Variants in ASB16 observed in about 807,000 individuals in gnomAD.
ASB16 encodes the protein ankyrin repeat and SOCS box protein 16.
ASB16 carries 44 observed loss-of-function variants against 39.1 expected under a neutral mutation model. The ratio of observed to expected loss-of-function variants is 1.13; its 90% confidence interval spans 0.88 to 1.45. The LOEUF is 1.45. Among genes scored for constraint, ASB16 ranks in the 40% most tolerant of loss-of-function variants. The pLI is 0.00. For synonymous variants in ASB16, 305 were observed against 286.7 expected (o/e 1.06, Z -0.64); for missense variants, 698 against 634.5 (o/e 1.10, Z -1.07).
Position 44,172,307 on chromosome 17 carries a change from C to A in ASB16, c.563C>A (p.Ser188Tyr). The change falls in exon 2 of 5, where the codon TCC (serine) becomes TAC (tyrosine). Residue 188 changes from serine (S) to tyrosine (Y), a missense_variant. By Grantham distance (144) the Ser-to-Tyr change is moderately radical. Coordinates refer to ENST00000293414, the MANE Select transcript of ASB16 (RefSeq NM_080863.5). ...TTGCACCTCTGCACGATCCCCGAGT[C>A]CTTGCAGTAGGTGCCTGGGGGCTGA... is the stretch of plus-strand genomic sequence containing the variant. The part of the protein sequence containing the change: ...TPLHLCTIPE[S>Y]LQCAKLLLEA... 6.2e-7 allele frequency: 1 copy of A among 1,611,316 alleles called. No individual in the cohort carries two copies. The highest frequency in any genetic ancestry group is 8.5e-7 in the Non-Finnish European group (1 of 1,179,378).
chr17:44,172,336 A>C, intron 2 of ASB16, 23 bp downstream of exon 2: 1 of 1,584,204 alleles, frequency 6.3e-7, no homozygotes, highest in Non-Finnish European at 8.5e-7. Flanking sequence ...GGGCTGAGAC[A>C]GTTTGGGGAG....
Position 44,178,795 on chromosome 17 carries a change from G to A in ASB16, c.*405G>A, listed in dbSNP as rs189533106. The A allele has an allele frequency of 2.7e-5, 6 of 221,852 alleles. No homozygotes were observed. The East Asian group carries it at 4.4e-4, about 16-fold the overall frequency. 13.7% of individuals were successfully genotyped at this position (221,852 alleles called of 1,614,324 possible). On this transcript the variant is annotated 3_prime_UTR_variant, in exon 5 of 5. Transcript: ENST00000293414. ...CCTGCCCCTCTTTTCTGTACTCCAC[G>A]TGCTGTCCTGGTCCACCTCACTCCT...
Position 44,178,323 on chromosome 17 carries a change from C to T in ASB16, c.1295C>T (p.Thr432Ile), listed in dbSNP as rs572064876. 5 of 1,611,602 alleles carry T rather than the reference C, an allele frequency of 3.1e-6. No individual in the cohort carries two copies. The highest frequency in any genetic ancestry group is 3.3e-5 in the Admixed American group (2 of 59,882). Residue 432 changes from threonine to isoleucine, a missense_variant, in exon 5 of 5, where the codon ACC becomes ATC. Thr to Ile is a moderately conservative substitution (Grantham distance 89). Coordinates refer to ENST00000293414, the MANE Select transcript of ASB16 (RefSeq NM_080863.5). ...GGAAGCCGCTGCCGGCAGGGTGCCA[C>T]CCGGCTGCCACTGCCCCCGCTCCTC... ...RLGSRCRQGA[T>I]RLPLPPLLRD...
At chr17:44,177,349 G>C (rs1015689154) in intron 3 of ASB16, 119 bp downstream of exon 3, 13 of 1,375,550 alleles carry the variant, frequency 9.5e-6, no homozygotes, top group Non-Finnish European at 6.8e-6. Flanking sequence ...TCAGTGGCCA[G>C]GGGGCTGTCC....
At chr17:44,173,354 C>T (rs2054259118) in intron 2 of ASB16, among the ~76,000 whole-genome samples, 1 of 150,374 alleles carries the variant, frequency 6.7e-6, no homozygotes, top group African/African-American at 2.5e-5. Flanking sequence ...GATTGTGCCA[C>T]TACACACTAG....
intron 2 of ASB16, among the ~76,000 whole-genome samples, chr17:44,173,712 T>C (rs2054262430): frequency 6.6e-6 from 1 of 152,056 alleles, no homozygotes; most frequent in African/African-American, 2.4e-5. Flanking sequence ...TAGTCCCAGC[T>C]ACTCAGGAAA....
At chr17:44,176,563 A>C in intron 2 of ASB16, 175 bp from the exon 3 acceptor site, 1 of 904,518 alleles carries the variant, frequency 1.1e-6, no homozygotes, top group Non-Finnish European at 1.8e-6. Flanking sequence ...TGCTTCTGGT[A>C]GCTCTCAGGA....
rs957615506 is a variant in ASB16, at chr17:44,176,771, G to A, written c.603G>A (p.Thr201=). 6.2e-7 allele frequency: 1 copy of A among 1,613,958 alleles called. No individual in the cohort carries two copies. Residue 201 remains threonine, a synonymous_variant, in exon 3 of 5, where the codon ACG becomes ACA. Transcript: ENST00000293414. Reference sequence around the variant, plus strand: ...AGTTGCTGCTGGAAGCAGGAGCGACGGTGAACCTGGCAGCAGGCGAGAGCC... The same window carrying A: ...AGTTGCTGCTGGAAGCAGGAGCGACAGTGAACCTGGCAGCAGGCGAGAGCC... ...CAKLLLEAGA[T]VNLAAGESQE... is the part of the protein sequence containing the mutation.
chr17:44,171,074 C>T lies in ASB16; in HGVS notation c.285C>T (p.Ala95=). The T allele has an allele frequency of 6.2e-7, 1 of 1,613,816 alleles. No homozygotes were observed. The highest frequency in any genetic ancestry group is 8.5e-7 in the Non-Finnish European group (1 of 1,179,882). Residue 95 remains alanine (A), a synonymous_variant, in exon 1 of 5, where the codon GCC becomes GCT. Transcript: ENST00000293414. The stretch of plus-strand genomic sequence containing the variant: ...TGGAGACTGTGAGCAACCAGCTGGC[C>T]TGGTCGGCTGAACAGGGTAGGGGGC... The part of the protein sequence containing the change: ...MIVETVSNQL[A]WSAEQGFWVL...
At position 44,177,002 on chromosome 17, in the gene ASB16, G is replaced by C; in HGVS notation, c.834G>C (p.Arg278=). 1 of 1,488,980 alleles carries C rather than the reference G, an allele frequency of 6.7e-7. No individual in the cohort carries two copies. The highest frequency in any genetic ancestry group is 8.8e-7 in the Non-Finnish European group (1 of 1,132,018). The allele number at this position is 1,488,980 out of a possible 1,614,324, so 92.2% of individuals were successfully genotyped here. Reference sequence around the variant, plus strand: ...TCCTGGAGGCTGGAGCTGATGCCCGGGCGGCCGGGCGCAAGCGCCACACGC... The same window carrying C: ...TCCTGGAGGCTGGAGCTGATGCCCGCGCGGCCGGGCGCAAGCGCCACACGC... The part of the protein sequence containing the change: ...RRLLEAGADA[R]AAGRKRHTPL... The change falls in exon 3 of 5, where the codon CGG becomes CGC. Residue 278 remains arginine (R), a synonymous_variant. Transcript: ENST00000293414.
intron 4 of ASB16, 60 bp from the exon 5 acceptor site, chr17:44,178,145 C>T: frequency 6.3e-7 from 1 of 1,585,428 alleles, no homozygotes; most frequent in Non-Finnish European, 8.6e-7. Flanking sequence ...ACCCCCACCG[C>T]TGGGTTGCCC....
chr17:44,174,409 C>T (rs1193880660), intron 2 of ASB16, among the ~76,000 whole-genome samples: 1 of 152,112 alleles, frequency 6.6e-6, no homozygotes, highest in Non-Finnish European at 1.5e-5. Context: ...GTGGCCCAGG[C>T]TGGTCTCCGA....
At chr17:44,174,801 T>G (rs929509505) in intron 2 of ASB16, among the ~76,000 whole-genome samples, 2 of 152,116 alleles carry the variant, frequency 1.3e-5, no homozygotes, top group African/African-American at 4.8e-5. Context: ...TTTGGAGTGT[T>G]AGTTAAATTT....
intron 1 of ASB16, among the ~76,000 whole-genome samples, chr17:44,171,636 A>G (rs2144179274): frequency 6.7e-6 from 1 of 148,704 alleles, no homozygotes; most frequent in Non-Finnish European, 1.5e-5. Context: ...TCAAGTGATC[A>G]TCCCGCCTTG....
At chr17:44,178,141 A>G (rs1018794504) in intron 4 of ASB16, 64 bp from the exon 5 acceptor site, 24 of 1,572,304 alleles carry the variant, frequency 1.5e-5, no homozygotes, top group Admixed American at 1.7e-5. Flanking sequence ...CAGGACCCCC[A>G]CCGCTGGGTT....
chr17:44,178,827 GCTT>G lies in ASB16; in HGVS notation c.*441_*443del, dbSNP rs1183471696. 4.6e-5 allele frequency: 8 copies of G among 172,990 alleles called. No homozygotes were observed. The highest frequency in any genetic ancestry group is 2.8e-4 in the Admixed American group (5 of 17,728). 10.7% of individuals were successfully genotyped at this position (172,990 alleles called of 1,614,324 possible). On this transcript the variant is annotated 3_prime_UTR_variant, in exon 5 of 5. Coordinates refer to ENST00000293414, the MANE Select transcript of ASB16 (RefSeq NM_080863.5). ...CCTGGTCCACCTCACTCCTCCATGG[GCTT>G]CTTGAGACACCTGCTGACCTCTAGC...
rs1041748586 is a variant in ASB16, at chr17:44,177,235, G to A, written c.1062+5G>A. On this transcript the variant is annotated splice_donor_5th_base_variant and intron_variant, in intron 3 of 4. Transcript: ENST00000293414. Reference sequence around the variant, plus strand: ...GCGCAGCCAGTGCGCCCTGAGGTGCGCTGGGAGGCCCTGACATAGGAGGCT... The same window carrying A: ...GCGCAGCCAGTGCGCCCTGAGGTGCACTGGGAGGCCCTGACATAGGAGGCT... The A allele has an allele frequency of 6.5e-7, 1 of 1,532,654 alleles. No individual in the cohort carries two copies. Among genetic ancestry groups the A allele is most frequent in the South Asian group, 1.2e-5 (1 of 82,066 alleles). The allele number at this position is 1,532,654 out of a possible 1,614,324, so 94.9% of individuals were successfully genotyped here.
chr17:44,170,736 C>G lies in ASB16; in HGVS notation c.-54C>G. 1.3e-6 allele frequency: 2 copies of G among 1,521,750 alleles called. No homozygotes were observed. Among genetic ancestry groups the G allele is most frequent in the East Asian group, 2.3e-5 (1 of 44,172 alleles). The allele number at this position is 1,521,750 out of a possible 1,614,324, so 94.3% of individuals were successfully genotyped here. A position where few individuals can be genotyped will look rare whatever the true frequency, so the allele number is the denominator to read the frequency against. ...CTCAGAGCAAGGGAGGTAGTCGGGT[C>G]GAGGGAACCTGGCTCTGCCCAGGTG... On this transcript the variant is annotated 5_prime_UTR_variant, in exon 1 of 5. Coordinates refer to ENST00000293414, the MANE Select transcript of ASB16 (RefSeq NM_080863.5).
intron 2 of ASB16, among the ~76,000 whole-genome samples, chr17:44,173,024 C>T (rs191614761): frequency 1.1e-4 from 16 of 146,226 alleles, no homozygotes; most frequent in Admixed American, 1.0e-3. Flanking sequence ...CGCTTGAACC[C>T]GGGAGGCAGA....
Sources: allele counts gnomAD v4.1 joint callset (sites outside exome capture counted in the v4.1 genomes callset), GRCh38; gene constraint gnomAD v4.1.1; transcripts MANE v1.5; gene names NCBI Gene and HGNC (gene_info 2026-07-23, HGNC 2026-07-21).